HNRNPR: variants seen among roughly 807,000 people sequenced by gnomAD.
HNRNPR encodes the protein heterogeneous nuclear ribonucleoprotein R.
HNRNPR carries 4 observed loss-of-function variants against 70.3 expected under a neutral mutation model. The ratio of observed to expected loss-of-function variants is 0.06; its 90% confidence interval spans 0.03 to 0.13. HNRNPR has a LOEUF of 0.13. Ranked by LOEUF, HNRNPR falls within the 10% of genes least tolerant of loss-of-function variation. HNRNPR has a pLI of 1.00. For missense variants in HNRNPR, 423 were observed against 788.5 expected (o/e 0.54, Z 5.55); for synonymous variants, 241 against 267.6 (o/e 0.90, Z 0.97).
chr1:23,337,674 C>T (rs1236388534), intron 4 of HNRNPR, 80 bp downstream of exon 4: 2 of 851,532 alleles, frequency 2.3e-6, no homozygotes, highest in Admixed American at 4.7e-5. Flanking sequence ...AAAAGTGAAA[C>T]TTTCTAGGAA....
At chr1:23,327,507 G>A (rs1482421586) in intron 5 of HNRNPR, among the ~76,000 whole-genome samples, 1 of 152,008 alleles carries the variant, frequency 6.6e-6, no homozygotes, top group Non-Finnish European at 1.5e-5. Flanking sequence ...GGCCAATATG[G>A]TGAAACCCTG....
intron 4 of HNRNPR, 29 bp downstream of exon 4, chr1:23,337,725 T>C (rs1646556129): frequency 1.5e-6 from 2 of 1,331,506 alleles, no homozygotes; most frequent in Non-Finnish European, 2.1e-6. Flanking sequence ...AAATGCAATT[T>C]CATTACAACT....
At chr1:23,334,811 T>C (rs1646396912) in intron 4 of HNRNPR, among the ~76,000 whole-genome samples, 2 of 152,220 alleles carry the variant, frequency 1.3e-5, no homozygotes, top group South Asian at 2.1e-4. Context: ...CAGGAATTTA[T>C]GTTATAATTG....
In HNRNPR at chr1:23,318,176, A is replaced by AAT. The variant is rs1346002149; in HGVS notation, c.1017+306_1017+307insAT. ...TCTTTACTCAGGACTTTTAAAAAAAAAAAAAACCTCTATCCCTCACAGTGC... is the reference window on the plus strand; with the variant it reads ...TCTTTACTCAGGACTTTTAAAAAAAAATAAAAAACCTCTATCCCTCACAGTGC... On this transcript the variant is annotated intron_variant, in intron 8 of 10. Transcript: ENST00000302271. The surrounding 1 kb of genome is among the most constrained non-coding windows in gnomAD (Gnocchi z 4.2). Among the ~76,000 whole-genome samples the AAT allele has an allele frequency of 6.6e-6, 1 of 151,488 alleles. No homozygotes were observed. Among genetic ancestry groups the AAT allele is most frequent in the African/African-American group, 2.4e-5 (1 of 41,282 alleles).
At chr1:23,343,036 A>G (rs1646763538) in intron 1 of HNRNPR, among the ~76,000 whole-genome samples, 1 of 152,210 alleles carries the variant, frequency 6.6e-6, no homozygotes, top group African/African-American at 2.4e-5. Flanking sequence ...CAAGCCAAAT[A>G]CAAAATGCTC....
chr1:23,315,646 T>C (rs565092585), intron 8 of HNRNPR, among the ~76,000 whole-genome samples: 3 of 152,268 alleles, frequency 2.0e-5, no homozygotes, highest in African/African-American at 7.2e-5. Flanking sequence ...GACACAGGGA[T>C]AGGGGTAGAA....
rs1645223691 is a variant in HNRNPR, at chr1:23,307,715, T to C, written c.*2739A>G. 1 of 152,092 alleles carries C rather than the reference T, an allele frequency of 6.6e-6. No homozygotes were observed. The highest frequency in any genetic ancestry group is 2.4e-5 in the African/African-American group (1 of 41,446). The allele number at this position is 152,092 out of a possible 1,614,324, so 9.4% of individuals were successfully genotyped here. A position where few individuals can be genotyped will look rare whatever the true frequency, so the allele number is the denominator to read the frequency against. On this transcript the variant is annotated 3_prime_UTR_variant, in exon 11 of 11. Transcript: ENST00000302271. ...TCAAATAAAAATTAGTATTCCATTA[T>C]GGGGAGGGGCATATTTGTATCGGTC... is the stretch of plus-strand genomic sequence containing the variant.
Position 23,321,726 on chromosome 1 carries a change from T to C in HNRNPR, c.676-63A>G. On this transcript the variant is annotated intron_variant, in intron 6 of 10. Coordinates refer to ENST00000302271, the MANE Select transcript of HNRNPR (RefSeq NM_005826.5). ...CCAAACTCAGGACAATTGATCTTAA[T>C]CTAAAAAATTCAACAATTTAAGGCC... 4 of 1,507,838 alleles carry C rather than the reference T, an allele frequency of 2.7e-6. No homozygotes were observed. The South Asian group carries it at 4.0e-5, about 15-fold the overall frequency. The allele number at this position is 1,507,838 out of a possible 1,614,324, so 93.4% of individuals were successfully genotyped here. A position where few individuals can be genotyped will look rare whatever the true frequency, so the allele number is the denominator to read the frequency against.
At chr1:23,337,472 A>C (rs1419049574) in intron 4 of HNRNPR, among the ~76,000 whole-genome samples, 1 of 152,134 alleles carries the variant, frequency 6.6e-6, no homozygotes, top group Non-Finnish European at 1.5e-5. Context: ...TCTGGCCAAC[A>C]CAGTGAAACC....
rs747917217 is a variant in HNRNPR at position 23,308,570 on chromosome 1, A to G, written c.*1884T>C. 11 of 152,128 alleles carry G rather than the reference A, an allele frequency of 7.2e-5. No individual in the cohort carries two copies. Among genetic ancestry groups the G allele is most frequent in the Non-Finnish European group, 1.0e-4 (7 of 67,944 alleles). The allele number at this position is 152,128 out of a possible 1,614,324, so 9.4% of individuals were successfully genotyped here. ...GAAAAACAACTGGATCTGTCTTACC[A>G]AAGAAATACCCATGTTAACTCAAAA... On this transcript the variant is annotated 3_prime_UTR_variant, in exon 11 of 11. Transcript: ENST00000302271.
At chr1:23,311,118 ACT>A in intron 10 of HNRNPR, 52 bp from the exon 11 acceptor site, 1 of 1,607,494 alleles carries the variant, frequency 6.2e-7, no homozygotes, top group South Asian at 1.1e-5. Flanking sequence ...TTGCTTCAAG[ACT>A]CTGATTTTGT....
intron 5 of HNRNPR, among the ~76,000 whole-genome samples, chr1:23,325,838 A>G (rs758244525): frequency 2.6e-5 from 4 of 152,154 alleles, no homozygotes; most frequent in Non-Finnish European, 5.9e-5. Context: ...AGATTGTATT[A>G]TATTTATTTC....
At chr1:23,327,062 C>G (rs911993236) in intron 5 of HNRNPR, among the ~76,000 whole-genome samples, 2 of 152,192 alleles carry the variant, frequency 1.3e-5, no homozygotes, top group African/African-American at 2.4e-5. Context: ...CTGTTTCTCT[C>G]CCCTCCTAGC....
rs1187877771 is a variant in HNRNPR at position 23,325,480 on chromosome 1, T to C, written c.499-1748A>G. ...ACTCCTTGGCATGATTCTCACACAA[T>C]AGTTATTGCAATTCTTCTACCTCCT... On this transcript the variant is annotated intron_variant, in intron 5 of 10. Coordinates refer to ENST00000302271, the MANE Select transcript of HNRNPR (RefSeq NM_005826.5). Among the ~76,000 whole-genome samples the C allele has an allele frequency of 3.9e-5, 6 of 152,190 alleles. 1 individual carries two copies. Among genetic ancestry groups the C allele is most frequent in the Admixed American group, 2.0e-4 (3 of 15,276 alleles).
chr1:23,305,834 T>C lies in HNRNPR; in HGVS notation c.*4620A>G, dbSNP rs1000550897. The C allele has an allele frequency of 1.3e-5, 2 of 152,238 alleles. No homozygotes were observed. The highest frequency in any genetic ancestry group is 2.9e-5 in the Non-Finnish European group (2 of 68,026). The allele number at this position is 152,238 out of a possible 1,614,324, so 9.4% of individuals were successfully genotyped here. A position where few individuals can be genotyped will look rare whatever the true frequency, so the allele number is the denominator to read the frequency against. ...AGGTCTTAATATTTCAGCTATGTAA[T>C]TTCCTCTTGACCCAAAGTCATTGTC... On this transcript the variant is annotated 3_prime_UTR_variant, in exon 11 of 11. Transcript: ENST00000302271.
chr1:23,313,436 A>G lies in HNRNPR; in HGVS notation c.1167+117T>C, dbSNP rs187680473. 195 of 700,160 alleles carry G rather than the reference A, an allele frequency of 2.8e-4. 1 individual carries two copies. The East Asian group carries it at 4.4e-3, about 16-fold the overall frequency. 43.4% of individuals were successfully genotyped at this position (700,160 alleles called of 1,614,324 possible). A position where few individuals can be genotyped will look rare whatever the true frequency, so the allele number is the denominator to read the frequency against. ...TTACCACTTTACAGAGATTAAATAGAAAGAGTTCAGCAAAAGCTGACAACC... is the reference window on the plus strand; with the variant it reads ...TTACCACTTTACAGAGATTAAATAGGAAGAGTTCAGCAAAAGCTGACAACC... On this transcript the variant is annotated intron_variant, in intron 9 of 10. Coordinates refer to ENST00000302271, the MANE Select transcript of HNRNPR (RefSeq NM_005826.5).
chr1:23,317,428 A>G (rs1448868262), intron 8 of HNRNPR, among the ~76,000 whole-genome samples: 2 of 152,006 alleles, frequency 1.3e-5, no homozygotes, highest in African/African-American at 2.4e-5. Flanking sequence ...ACTGCACTCC[A>G]GCCTGGGACA....
chr1:23,316,767 C>A (rs1427937329), intron 8 of HNRNPR, among the ~76,000 whole-genome samples: 1 of 152,026 alleles, frequency 6.6e-6, no homozygotes, highest in African/African-American at 2.4e-5. Flanking sequence ...GGAGAAGAAA[C>A]AATAGGAATT....
intron 8 of HNRNPR, among the ~76,000 whole-genome samples, chr1:23,316,423 T>G (rs1469540371): frequency 6.6e-6 from 1 of 152,188 alleles, no homozygotes; most frequent in African/African-American, 2.4e-5. Flanking sequence ...GTTACCAGAA[T>G]GAAATCTTGA....
Sources: allele counts gnomAD v4.1 joint callset (sites outside exome capture counted in the v4.1 genomes callset), GRCh38; gene constraint gnomAD v4.1.1; non-coding constraint Gnocchi (gnomAD v3.1); transcripts MANE v1.5; gene names NCBI Gene and HGNC (gene_info 2026-07-23, HGNC 2026-07-21).